Variants in KATNIP observed in about 807,000 individuals in gnomAD.
The protein encoded by KATNIP is katanin interacting protein.
KATNIP carries 126 observed loss-of-function variants against 174.0 expected under a neutral mutation model. The observed-to-expected ratio is 0.72, with a 90% CI of 0.63 to 0.84. The LOEUF (loss-of-function observed/expected upper bound fraction) is 0.84, where lower values mean the gene tolerates loss of function less well. Ranked by LOEUF, KATNIP falls within the 40% of genes least tolerant of loss-of-function variation. KATNIP has a pLI of 0.00. For synonymous variants in KATNIP, 810 were observed against 835.7 expected (o/e 0.97, Z 0.53); for missense variants, 1,958 against 2,109.7 (o/e 0.93, Z 1.41).
chr16:27,749,815 G>A lies in KATNIP; in HGVS notation c.2855G>A (p.Gly952Glu). Residue 952 changes from glycine (G) to glutamate (E), a missense_variant, in exon 16 of 28, where the codon GGG becomes GAG. Gly to Glu is a moderately conservative substitution (Grantham distance 98, BLOSUM62 -2). Around this residue, in one of 3 missense-constraint regions of KATNIP, gnomAD observed 1,557 missense variants for 1,617.8 expected, o/e 0.96. Coordinates refer to ENST00000261588, the MANE Select transcript of KATNIP (RefSeq NM_015202.5). ...KKGEQPGLSRGQDGYSGETDA... is the reference protein window; with the variant it reads ...KKGEQPGLSREQDGYSGETDA... ...GGGGAGCAGCCAGGGCTGTCGAGAGGGCAGGATGGCTACTCTGGAGAGACA... is the reference window on the plus strand; with the variant it reads ...GGGGAGCAGCCAGGGCTGTCGAGAGAGCAGGATGGCTACTCTGGAGAGACA... 1 of 1,613,406 alleles carries A rather than the reference G, an allele frequency of 6.2e-7. No homozygotes were observed. The highest frequency in any genetic ancestry group is 8.5e-7 in the Non-Finnish European group (1 of 1,179,620).
intron 2 of KATNIP, among the ~76,000 whole-genome samples, chr16:27,609,581 G>A (rs574516129): frequency 5.3e-5 from 8 of 150,680 alleles, no homozygotes; most frequent in Admixed American, 2.0e-4. Context: ...TAGTAGAGAC[G>A]GGGTTTCACT....
At chr16:27,626,006 C>T (rs183819769) in intron 3 of KATNIP, among the ~76,000 whole-genome samples, 125 of 151,894 alleles carry the variant, frequency 8.2e-4, no homozygotes, top group Admixed American at 2.6e-3. Flanking sequence ...CACGCTACCA[C>T]GCCCAGTTAA....
intron 2 of KATNIP, among the ~76,000 whole-genome samples, chr16:27,600,951 T>G (rs2075504676): frequency 6.6e-6 from 1 of 152,068 alleles, no homozygotes; most frequent in South Asian, 2.1e-4. Context: ...CAGGCTGGTC[T>G]CAAACTCCTG....
intron 2 of KATNIP, among the ~76,000 whole-genome samples, chr16:27,611,351 GTGCCTTAAGTA>G (rs1393483827): frequency 6.6e-6 from 1 of 152,152 alleles, no homozygotes; most frequent in Non-Finnish European, 1.5e-5. Flanking sequence ...CCTTTGCTGG[GTGCCTTAAGTA>G]TTCATACATC....
intron 14 of KATNIP, among the ~76,000 whole-genome samples, chr16:27,733,195 G>A (rs538778493): frequency 1.4e-4 from 21 of 152,338 alleles, no homozygotes; most frequent in South Asian, 1.2e-3. Flanking sequence ...CAGTGGAACC[G>A]TGCCGCCATG....
intron 3 of KATNIP, among the ~76,000 whole-genome samples, chr16:27,624,690 C>T (rs150964189): frequency 2.0e-5 from 3 of 152,036 alleles, no homozygotes; most frequent in South Asian, 2.1e-4. Context: ...TGTGGTGGCA[C>T]GCACCTGTAG....
At chr16:27,727,268 A>G in intron 14 of KATNIP, 1 of 197,564 alleles carries the variant, frequency 5.1e-6, no homozygotes, top group Non-Finnish European at 1.1e-5. Flanking sequence ...GGCTCACTGT[A>G]GCCTCGACCT....
intron 10 of KATNIP, among the ~76,000 whole-genome samples, chr16:27,700,802 T>A (rs2142991283): frequency 6.6e-6 from 1 of 152,314 alleles, no homozygotes; most frequent in Middle Eastern, 3.4e-3. Context: ...GGTGTGCATG[T>A]GACACCCCAG....
intron 2 of KATNIP, among the ~76,000 whole-genome samples, chr16:27,594,126 G>C (rs1344347980): frequency 2.0e-5 from 3 of 151,980 alleles, no homozygotes; most frequent in African/African-American, 7.2e-5. Flanking sequence ...CGGGCGTGGT[G>C]GTGTGTGCCT....
intron 1 of KATNIP, among the ~76,000 whole-genome samples, chr16:27,567,053 T>C (rs1287444965): frequency 6.6e-6 from 1 of 152,224 alleles, no homozygotes; most frequent in African/African-American, 2.4e-5. Flanking sequence ...GTTTCATTCT[T>C]ATCTCTCACA....
At chr16:27,664,848 T>G (rs547243987) in intron 6 of KATNIP, among the ~76,000 whole-genome samples, 37 of 152,308 alleles carry the variant, frequency 2.4e-4, no homozygotes, top group African/African-American at 8.4e-4. Context: ...CCGTAAAAAC[T>G]TCCATAGAAG....
At chr16:27,635,487 G>A (rs950263193) in intron 5 of KATNIP, among the ~76,000 whole-genome samples, 1 of 152,028 alleles carries the variant, frequency 6.6e-6, no homozygotes, top group Non-Finnish European at 1.5e-5. Context: ...CACAAACCAG[G>A]GAGCATTCAA....
chr16:27,740,280 G>A lies in KATNIP; in HGVS notation c.1983G>A (p.Pro661=), dbSNP rs372587136. The part of the protein sequence containing the change: ...GDKELGLGCS[P]PAETLADAKL... ...AGGAGCTTGGTCTCGGTTGCTCACC[G>A]CCAGCTGAAACATTAGCGGATGCAA... Residue 661 remains proline, a synonymous_variant, in exon 15 of 28, where the codon CCG becomes CCA. Coordinates refer to ENST00000261588, the MANE Select transcript of KATNIP (RefSeq NM_015202.5). 20 of 1,614,132 alleles carry A rather than the reference G, an allele frequency of 1.2e-5. No individual in the cohort carries two copies. Among genetic ancestry groups the A allele is most frequent in the Admixed American group, 1.7e-5 (1 of 60,014 alleles).
intron 2 of KATNIP, among the ~76,000 whole-genome samples, chr16:27,612,398 T>C (rs2142020993): frequency 6.6e-6 from 1 of 152,238 alleles, no homozygotes; most frequent in Middle Eastern, 3.4e-3. Context: ...GGAAATAAAG[T>C]TGGCTAGTCT....
chr16:27,761,954 C>T lies in KATNIP; in HGVS notation c.3809+364C>T, dbSNP rs1247624524. 2.0e-5 allele frequency among the ~76,000 whole-genome samples: 3 copies of T among 152,210 alleles called. No homozygotes were observed. In the South Asian group the frequency reaches 6.2e-4, roughly 31 times the overall value. On this transcript the variant is annotated intron_variant, in intron 19 of 27. Transcript: ENST00000261588. Reference sequence around the variant, plus strand: ...TGGTTCAGAGTTTACACATGAATGACCCAGGCCTCCCGGGGGCTGAAAGCT... The same window carrying T: ...TGGTTCAGAGTTTACACATGAATGATCCAGGCCTCCCGGGGGCTGAAAGCT...
intron 6 of KATNIP, among the ~76,000 whole-genome samples, chr16:27,670,786 G>C (rs116561588): frequency 6.6e-6 from 1 of 152,060 alleles, no homozygotes; most frequent in African/African-American, 2.4e-5. Context: ...AAATGTAAAC[G>C]TATCATTTTT....
chr16:27,677,534 C>T (rs546759163), intron 6 of KATNIP, among the ~76,000 whole-genome samples, 195 bp from the exon 7 acceptor site: 25 of 151,882 alleles, frequency 1.6e-4, no homozygotes, highest in African/African-American at 5.8e-4. Context: ...CAACATTGCT[C>T]TGTCCAGGGA....
chr16:27,550,183 T>C lies in KATNIP; in HGVS notation c.7+6T>C, dbSNP rs1567424153. On this transcript the variant is annotated splice_donor_region_variant and intron_variant, in intron 1 of 27. Coordinates refer to ENST00000261588, the MANE Select transcript of KATNIP (RefSeq NM_015202.5). ...GCCGCCTCTAGGGATGGACGGTGAG[T>C]GTCTGTGGGCCCCTCCGGGAGGTCG... 1.2e-6 allele frequency: 2 copies of C among 1,610,438 alleles called. No individual in the cohort carries two copies. Among genetic ancestry groups the C allele is most frequent in the Non-Finnish European group, 1.7e-6 (2 of 1,177,548 alleles).
intron 15 of KATNIP, among the ~76,000 whole-genome samples, chr16:27,745,619 T>G (rs1280058943): frequency 6.6e-6 from 1 of 152,254 alleles, no homozygotes; most frequent in African/African-American, 2.4e-5. Context: ...GTTTCCTGTT[T>G]TAGTAGCAAT....
Sources: gnomAD v4.1 joint callset for allele counts (sites outside exome capture counted in the v4.1 genomes callset) on GRCh38, gnomAD v4.1.1 for gene constraint, gnomAD v4.1.1 regional missense constraint, MANE v1.5 for transcripts, NCBI Gene and HGNC (gene_info 2026-07-23, HGNC 2026-07-21) for gene names.